Variants in LRRC73 observed in about 807,000 individuals in gnomAD.
LRRC73 encodes leucine rich repeat containing 73.
In LRRC73, 16 loss-of-function variants were observed where a neutral mutation model predicts 26.4. That is an observed-to-expected ratio of 0.61 (90% CI 0.41 to 0.92). The LOEUF (loss-of-function observed/expected upper bound fraction) is 0.92, where lower values mean the gene tolerates loss of function less well. Among genes scored for constraint, LRRC73 ranks in the 40% least tolerant of loss-of-function variants. The pLI, the probability that LRRC73 is intolerant of heterozygous loss-of-function variation, is 0.00. For missense variants in LRRC73, 344 were observed against 416.3 expected (o/e 0.83, Z 1.51); for synonymous variants, 210 against 179.8 (o/e 1.17, Z -1.34).
intron 3 of LRRC73, 113 bp downstream of exon 3, chr6:43,508,185 T>C (rs1400880267): frequency 2.1e-6 from 3 of 1,427,948 alleles, no homozygotes; most frequent in African/African-American, 1.4e-5. Context: ...CCCTGGGGGC[T>C]CCCGTTTCTC....
chr6:43,509,996 G>T (rs1349716556), exon 1 of LRRC73: 2 of 354,208 alleles, frequency 5.6e-6, no homozygotes, highest in Non-Finnish European at 9.7e-6. Context: ...AGCCGGAGCC[G>T]GCCAGAGGTG....
chr6:43,507,505 C>T (rs777151511), exon 5 of LRRC73: 1 of 1,613,248 alleles, frequency 6.2e-7, no homozygotes, highest in South Asian at 1.1e-5. Context: ...CAGCAGGCTC[C>T]CGCCCTCTCT....
At chr6:43,510,048 G>A in exon 1 of LRRC73, 1 of 278,832 alleles carries the variant, frequency 3.6e-6, no homozygotes, top group Non-Finnish European at 6.6e-6. Flanking sequence ...GTGGGGCGGC[G>A]CTGGGGCGGG....
chr6:43,508,494 T>C (rs75441145), intron 2 of LRRC73, 74 bp from the exon 3 acceptor site: 7 of 1,600,400 alleles, frequency 4.4e-6, no homozygotes, highest in Middle Eastern at 3.9e-4. Flanking sequence ...ACAATCCCTG[T>C]GTCTCTGGGG....
intron 1 of LRRC73, 69 bp from the exon 2 acceptor site, chr6:43,508,989 C>G: frequency 7.0e-7 from 1 of 1,425,090 alleles, no homozygotes; most frequent in Admixed American, 2.6e-5. Context: ...GGGGCACTTT[C>G]ACTTCTGTCA....
chr6:43,507,415 C>T (rs1305861007), intron 5 of LRRC73, 41 bp downstream of exon 5: 1 of 1,610,930 alleles, frequency 6.2e-7, no homozygotes, highest in South Asian at 1.1e-5. Flanking sequence ...TGTCCCGAGC[C>T]TCTTCCAGAC....
At chr6:43,508,717 T>A (rs774056943) in intron 2 of LRRC73, 43 bp downstream of exon 2, 2 of 1,552,344 alleles carry the variant, frequency 1.3e-6, no homozygotes, top group Admixed American at 3.9e-5. Flanking sequence ...TCGATTTTCA[T>A]CACTGCCACA....
At chr6:43,507,678 T>A in exon 5 of LRRC73, 1 of 1,613,496 alleles carries the variant, frequency 6.2e-7, no homozygotes, top group Non-Finnish European at 8.5e-7. Flanking sequence ...TCCAGCAGGG[T>A]CTGAAGTGGG....
exon 2 of LRRC73, chr6:43,508,788 G>A: frequency 2.5e-6 from 4 of 1,612,392 alleles, no homozygotes; most frequent in Non-Finnish European, 3.4e-6. Flanking sequence ...GGGGCAGGAG[G>A]CCACAGATGA....
Position 43,508,925 on chromosome 6 carries a change from A to C in LRRC73, c.273-5T>G, listed in dbSNP as rs1245033086. 6.3e-7 allele frequency: 1 copy of C among 1,591,326 alleles called. No homozygotes were observed. Among genetic ancestry groups the C allele is most frequent in the African/African-American group, 1.3e-5 (1 of 74,488 alleles). On this transcript the variant is annotated splice_polypyrimidine_tract_variant and splice_region_variant and intron_variant, in intron 1 of 5. Transcript: ENST00000372441. ...GTCAGGGGGCTCCCATGCAGGCTGGAGGAGAGTGAGAGAGCAGGGTTACTG... is the reference window on the plus strand; with the variant it reads ...GTCAGGGGGCTCCCATGCAGGCTGGCGGAGAGTGAGAGAGCAGGGTTACTG...
At chr6:43,508,046 G>A in intron 3 of LRRC73, 120 bp from the exon 4 acceptor site, 2 of 1,045,936 alleles carry the variant, frequency 1.9e-6, no homozygotes, top group East Asian at 2.6e-5. Flanking sequence ...ATGGACAATT[G>A]GTGGTGGTCA....
At chr6:43,507,969 C>T in intron 3 of LRRC73, 43 bp from the exon 4 acceptor site, 10 of 1,534,138 alleles carry the variant, frequency 6.5e-6, no homozygotes, top group Non-Finnish European at 9.0e-6. Flanking sequence ...CACATGCCTG[C>T]TAATCCTTAC....
chr6:43,509,500 G>C lies in LRRC73; in HGVS notation c.272+14C>G. The C allele has an allele frequency of 6.3e-7, 1 of 1,592,900 alleles. No homozygotes were observed. The highest frequency in any genetic ancestry group is 8.6e-7 in the Non-Finnish European group (1 of 1,168,272). Reference sequence around the variant, plus strand: ...TGCAGTGCCCGGGACCCCCTTGCGAGGGGGCGCACTCACAAGAGGGACTGG... The same window carrying C: ...TGCAGTGCCCGGGACCCCCTTGCGACGGGGCGCACTCACAAGAGGGACTGG... On this transcript the variant is annotated intron_variant, in intron 1 of 5. Transcript: ENST00000372441.
At chr6:43,508,727 A>G in intron 2 of LRRC73, 33 bp downstream of exon 2, 1 of 1,569,702 alleles carries the variant, frequency 6.4e-7, no homozygotes, top group Non-Finnish European at 8.7e-7. Context: ...TCACTGCCAC[A>G]CTAGCCCAAG....
At chr6:43,507,481 G>C in exon 5 of LRRC73, 1 of 1,613,036 alleles carries the variant, frequency 6.2e-7, no homozygotes, top group Non-Finnish European at 8.5e-7. Context: ...AGGAGCTGCT[G>C]CCTCTCTGGT....
chr6:43,509,917 G>A, exon 1 of LRRC73: 1 of 662,394 alleles, frequency 1.5e-6, no homozygotes, highest in Non-Finnish European at 2.1e-6. Context: ...GGGTGGAGGC[G>A]GCGGCTGTGG....
chr6:43,508,226 C>A, intron 3 of LRRC73, 72 bp downstream of exon 3: 1 of 1,531,324 alleles, frequency 6.5e-7, no homozygotes, highest in African/African-American at 1.4e-5. Flanking sequence ...GTTACCATGT[C>A]AACTGATGGT....
intron 3 of LRRC73, 40 bp downstream of exon 3, chr6:43,508,258 T>C (rs1389410912): frequency 5.1e-6 from 8 of 1,578,358 alleles, no homozygotes; most frequent in Non-Finnish European, 6.9e-6. Context: ...GGATAGGGCA[T>C]GAGGCAGTGA....
exon 1 of LRRC73, chr6:43,509,857 T>C (rs1792610446): frequency 2.2e-6 from 3 of 1,351,842 alleles, no homozygotes; most frequent in African/African-American, 3.1e-5. Flanking sequence ...GGGCCGGGGA[T>C]AGGGCCGGGG....
Sources: allele counts gnomAD v4.1 joint callset, GRCh38; gene constraint gnomAD v4.1.1; transcripts MANE v1.5; gene names NCBI Gene and HGNC (gene_info 2026-07-23, HGNC 2026-07-21).